The following ST3GAL6 variants were observed in gnomAD, a reference collection of about 807,000 sequenced individuals.
The protein encoded by ST3GAL6 is type 2 lactosamine alpha-2,3-sialyltransferase.
A neutral mutation model predicts 40.5 loss-of-function variants in ST3GAL6; 31 were observed. The ratio of observed to expected loss-of-function variants is 0.77; its 90% CI spans 0.58 to 1.03. ST3GAL6 has a LOEUF of 1.03. Ranked by LOEUF, ST3GAL6 falls within the 50% of genes least tolerant of loss-of-function variation. ST3GAL6 has a pLI of 0.00. For missense variants in ST3GAL6, 357 were observed against 393.2 expected (o/e 0.91, Z 0.78); for synonymous variants, 129 against 136.9 (o/e 0.94, Z 0.40).
At position 98,763,390 on chromosome 3, in the gene ST3GAL6, G is replaced by T. The variant is rs1259720359; in HGVS notation, c.-61G>T. The T allele has an allele frequency of 7.8e-7, 1 of 1,289,828 alleles. No individual in the cohort carries two copies. The highest frequency in any genetic ancestry group is 1.0e-6 in the Non-Finnish European group (1 of 988,870). 79.9% of individuals were successfully genotyped at this position (1,289,828 alleles called of 1,614,324 possible). On this transcript the variant is annotated 5_prime_UTR_variant, in exon 1 of 10. Transcript: ENST00000483910. ...CTAGGATGGATGACGGCCTGTCCAG[G>T]GGCTGAATGGACACAGGTGTCAGCA...
At chr3:98,740,407 T>C (rs1935970633) in intron 1 of ST3GAL6, among the ~76,000 whole-genome samples, 1 of 152,168 alleles carries the variant, frequency 6.6e-6, no homozygotes, top group Admixed American at 6.5e-5. Context: ...TTTTGAGGTT[T>C]TCTGCCATCT....
At chr3:98,778,638 T>C (rs1198170957) in intron 5 of ST3GAL6, among the ~76,000 whole-genome samples, 1 of 152,132 alleles carries the variant, frequency 6.6e-6, no homozygotes, top group Non-Finnish European at 1.5e-5. Context: ...AAGGAAATGG[T>C]CTCTTCCATC....
At chr3:98,767,512 T>G (rs1236302724) in intron 1 of ST3GAL6, among the ~76,000 whole-genome samples, 1 of 152,220 alleles carries the variant, frequency 6.6e-6, no homozygotes, top group Non-Finnish European at 1.5e-5. Context: ...CACATGCAGT[T>G]GTTTAGACGA....
At chr3:98,790,236 C>T (rs1941077455) in intron 8 of ST3GAL6, among the ~76,000 whole-genome samples, 1 of 152,040 alleles carries the variant, frequency 6.6e-6, no homozygotes, top group Admixed American at 6.6e-5. Context: ...GAAAGAAACA[C>T]TGATGATGAG....
At chr3:98,770,851 TCTGA>T (rs775170836) in intron 2 of ST3GAL6, 24 bp from the exon 3 acceptor site, 4 of 1,609,284 alleles carry the variant, frequency 2.5e-6, no homozygotes, top group East Asian at 2.2e-5. Context: ...GATTCTGGTT[TCTGA>T]CTGACATTAT....
intron 1 of ST3GAL6, among the ~76,000 whole-genome samples, chr3:98,767,951 T>C (rs1463172339): frequency 1.3e-5 from 2 of 152,162 alleles, no homozygotes; most frequent in African/African-American, 4.8e-5. Flanking sequence ...AATTAGAAAA[T>C]GACTTGTAAA....
chr3:98,733,256 A>G, intron 1 of ST3GAL6: 1 of 981,552 alleles, frequency 1.0e-6, no homozygotes, highest in Non-Finnish European at 1.2e-6. Context: ...CACCGCCGAG[A>G]GGGCACCCGG....
At chr3:98,784,804 G>T in intron 5 of ST3GAL6, 141 bp from the exon 6 acceptor site, 1 of 633,086 alleles carries the variant, frequency 1.6e-6, no homozygotes, top group Non-Finnish European at 2.8e-6. Flanking sequence ...TACAGCTCTA[G>T]ACTTGTAAGT....
Position 98,740,617 on chromosome 3 carries a change from T to C in ST3GAL6, c.-12+8085T>C, listed in dbSNP as rs1333711718. Among the ~76,000 whole-genome samples the C allele has an allele frequency of 2.0e-5, 3 of 152,224 alleles. No homozygotes were observed. The East Asian group carries it at 5.8e-4, about 29-fold the overall frequency. On this transcript the variant is annotated intron_variant, in intron 1 of 9. Transcript: ENST00000265261. Reference sequence around the variant, plus strand: ...CATGACTCCGAACAAATAGCCTAACTTCTCTGAGCCTTACTTTCCTTATCT... The same window carrying C: ...CATGACTCCGAACAAATAGCCTAACCTCTCTGAGCCTTACTTTCCTTATCT...
intron 1 of ST3GAL6, among the ~76,000 whole-genome samples, chr3:98,735,820 A>G (rs1277963570): frequency 2.7e-5 from 2 of 75,344 alleles, no homozygotes; most frequent in African/African-American, 4.9e-5. Flanking sequence ...GTGTTTTGGT[A>G]GGAAATTTTA....
chr3:98,767,215 C>G (rs1259697834), intron 1 of ST3GAL6, among the ~76,000 whole-genome samples: 1 of 152,148 alleles, frequency 6.6e-6, no homozygotes, highest in Non-Finnish European at 1.5e-5. Flanking sequence ...AGCAAATAGC[C>G]CCACACACCC....
rs535088794 is a variant in ST3GAL6 at position 98,777,136 on chromosome 3, A to G, written c.335+3153A>G. On this transcript the variant is annotated intron_variant, in intron 5 of 9. Transcript: ENST00000483910. ...CACCGATCACGCCTACCTCCCTGCC[A>G]GCCAGGAGGAGGAAAGGGCGAAGGG... Among the ~76,000 whole-genome samples the G allele has an allele frequency of 3.9e-5, 6 of 152,334 alleles. No individual in the cohort carries two copies. In the South Asian group the frequency reaches 1.2e-3, roughly 32 times the overall value.
chr3:98,772,341 C>G (rs981761368), intron 3 of ST3GAL6: 2 of 152,602 alleles, frequency 1.3e-5, no homozygotes, highest in African/African-American at 4.8e-5. Context: ...GAACATCTTC[C>G]CTTATAATTA....
upstream of ST3GAL6, among the ~76,000 whole-genome samples, chr3:98,761,815 A>G (rs1036714887): frequency 2.6e-4 from 40 of 152,326 alleles, 1 homozygote; most frequent in African/African-American, 8.9e-4. Flanking sequence ...TGTACTTGCA[A>G]TGGACCTGAG....
At chr3:98,751,301 A>G (rs1936993286) in intron 1 of ST3GAL6, among the ~76,000 whole-genome samples, 1 of 152,210 alleles carries the variant, frequency 6.6e-6, no homozygotes, top group African/African-American at 2.4e-5. Context: ...ATGGAAACTC[A>G]GGAACTATAC....
In ST3GAL6 at chr3:98,775,750, C is replaced by A. The variant is rs1332283774; in HGVS notation, c.335+1767C>A. Among the ~76,000 whole-genome samples, 5 of 152,292 alleles carry A rather than the reference C, an allele frequency of 3.3e-5. No individual in the cohort carries two copies. The East Asian group carries it at 9.7e-4, about 29-fold the overall frequency. ...GCCTTGGTCTTGCTGTTTCCTGCCC[C>A]TTTCCTCCTGTCACCAGAATCTCCC... On this transcript the variant is annotated intron_variant, in intron 5 of 9. Transcript: ENST00000483910.
rs890794259 is a variant in ST3GAL6 at position 98,741,086 on chromosome 3, A to G, written c.-12+8554A>G. Among the ~76,000 whole-genome samples, 30 of 83,130 alleles carry G rather than the reference A, an allele frequency of 3.6e-4. 1 individual carries two copies. In the South Asian group the frequency reaches 5.8e-3, roughly 16 times the overall value. The allele number at this position is 83,130 out of a possible 152,430, so 54.5% of individuals were successfully genotyped here. A position where few individuals can be genotyped will look rare whatever the true frequency, so the allele number is the denominator to read the frequency against. On this transcript the variant is annotated intron_variant, in intron 1 of 9. Transcript: ENST00000265261. ...TGTGTGTGTGTGTGTGTGTGTGTGC[A>G]TGCATGTATGTACATATGCTTTCAA...
Position 98,785,041 on chromosome 3 carries a change from G to T in ST3GAL6, c.431+1G>T, listed in dbSNP as rs1203843018. 7.0e-6 allele frequency: 11 copies of T among 1,576,214 alleles called. No individual in the cohort carries two copies. The highest frequency in any genetic ancestry group is 8.7e-6 in the Non-Finnish European group (10 of 1,146,486). On this transcript the variant is annotated splice_donor_variant, in intron 6 of 9. Coordinates refer to ENST00000483910, the MANE Select transcript of ST3GAL6 (RefSeq NM_001323368.2). LOFTEE classifies it high-confidence loss of function. ...TCGACTCCTATGATGTAATAATAAG[G>T]TAAATATATTTTCTATTTGCTACCC...
At position 98,777,095 on chromosome 3, in the gene ST3GAL6, A is replaced by G. The variant is rs146367201; in HGVS notation, c.335+3112A>G. On this transcript the variant is annotated intron_variant, in intron 5 of 9. Transcript: ENST00000483910. The stretch of plus-strand genomic sequence containing the variant: ...TACAACTTGTTCCTTCTGGTCTGGT[A>G]TGATGGCTGGAGTTCCACCGATCAC... 3.8e-3 allele frequency among the ~76,000 whole-genome samples: 583 copies of G among 152,342 alleles called. 11 individuals are homozygous for G. The highest frequency in any genetic ancestry group is 0.014 in the African/African-American group (563 of 41,580).
Sources: gnomAD v4.1 joint callset for allele counts (sites outside exome capture counted in the v4.1 genomes callset) on GRCh38, gnomAD v4.1.1 for gene constraint, MANE v1.5 for transcripts, NCBI Gene and HGNC (gene_info 2026-07-23, HGNC 2026-07-21) for gene names.